Variants in SORBS2 observed in about 807,000 individuals in gnomAD.
The protein encoded by SORBS2 is sorbin and SH3 domain-containing protein 2.
In SORBS2, 46 loss-of-function variants were observed where a neutral mutation model predicts 97.7. That is an observed-to-expected ratio of 0.47 (90% confidence interval 0.37 to 0.60). The LOEUF is 0.60. SORBS2 is among the 20% of genes least tolerant of loss of function. The probability of loss-of-function intolerance (pLI) is 0.00; values close to 1 mark genes in which losing one functional copy is unlikely to be tolerated. For synonymous variants in SORBS2, 476 were observed against 473.4 expected (o/e 1.01, Z -0.07); for missense variants, 1,316 against 1,282.3 (o/e 1.03, Z -0.40).
intron 4 of SORBS2, among the ~76,000 whole-genome samples, chr4:185,645,379 G>A (rs555683078): frequency 6.6e-6 from 1 of 152,232 alleles, no homozygotes; most frequent in East Asian, 1.9e-4. Context: ...GTTTGCAATG[G>A]TGCCTGCAAA....
In SORBS2 at chr4:185,667,707, CGT is replaced by C. The variant is rs1554140019; in HGVS notation, c.-45-5467_-45-5466del. Among the ~76,000 whole-genome samples the C allele has an allele frequency of 1.5e-3, 217 of 146,766 alleles. 2 individuals carry two copies. Among genetic ancestry groups the C allele is most frequent in the Non-Finnish European group, 2.8e-3 (187 of 67,042 alleles). ...AATGTGATATATATATATATATATA[CGT>C]ATATATATAATATATATTTTACTGT... On this transcript the variant is annotated intron_variant, in intron 4 of 20. Transcript: ENST00000284776.
intron 1 of SORBS2, among the ~76,000 whole-genome samples, chr4:185,873,134 C>G (rs2099231325): frequency 6.6e-6 from 1 of 152,182 alleles, no homozygotes; most frequent in Non-Finnish European, 1.5e-5. Context: ...AACAACTCAC[C>G]CAGATGAAGA....
intron 2 of SORBS2, chr4:185,774,505 AG>A (rs1171284973): frequency 2.0e-5 from 3 of 152,210 alleles, no homozygotes; most frequent in Non-Finnish European, 2.9e-5. Context: ...CACAGATCAA[AG>A]TACTTCGCAA....
intron 1 of SORBS2, among the ~76,000 whole-genome samples, chr4:185,953,999 A>G (rs913277140): frequency 4.6e-5 from 7 of 151,846 alleles, no homozygotes; most frequent in African/African-American, 1.2e-4. Context: ...CCTTAAGTTA[A>G]CTCATCTCTT....
chr4:185,943,876 T>A (rs1179838640), intron 1 of SORBS2, among the ~76,000 whole-genome samples: 2 of 152,226 alleles, frequency 1.3e-5, no homozygotes, highest in Non-Finnish European at 1.5e-5. Flanking sequence ...TATTTTCAAA[T>A]GCTTCTTCAA....
At chr4:185,786,240 T>TG (rs1175555162) in intron 1 of SORBS2, among the ~76,000 whole-genome samples, 1 of 152,242 alleles carries the variant, frequency 6.6e-6, no homozygotes, top group African/African-American at 2.4e-5. Flanking sequence ...CTAATCACTT[T>TG]GTCCTATGAT....
chr4:185,619,305 T>C (rs2153417112), intron 8 of SORBS2, among the ~76,000 whole-genome samples: 2 of 152,262 alleles, frequency 1.3e-5, no homozygotes, highest in East Asian at 3.9e-4. Flanking sequence ...CTAGGCCAGC[T>C]CTTCCTTCCT....
chr4:185,806,938 G>A (rs2099159473), intron 1 of SORBS2, among the ~76,000 whole-genome samples: 1 of 152,064 alleles, frequency 6.6e-6, no homozygotes, highest in Admixed American at 6.5e-5. Flanking sequence ...CAAGGAACCT[G>A]AAAAGAAGAA....
intron 1 of SORBS2, among the ~76,000 whole-genome samples, chr4:185,841,801 A>G (rs1335181197): frequency 6.6e-6 from 1 of 152,236 alleles, no homozygotes; most frequent in Admixed American, 6.5e-5. Flanking sequence ...AATTGATTCT[A>G]TAATTTCCCA....
intron 12 of SORBS2, among the ~76,000 whole-genome samples, chr4:185,602,590 G>A (rs1276699697): frequency 6.6e-6 from 1 of 152,182 alleles, no homozygotes; most frequent in African/African-American, 2.4e-5. Flanking sequence ...TGATAAAAAT[G>A]TTATTACAAT....
intron 12 of SORBS2, among the ~76,000 whole-genome samples, chr4:185,608,518 CT>C (rs1188333443): frequency 6.6e-6 from 1 of 151,760 alleles, no homozygotes; most frequent in African/African-American, 2.4e-5. Flanking sequence ...AATATACTTA[CT>C]TCTACATACG....
intron 1 of SORBS2, among the ~76,000 whole-genome samples, chr4:185,877,883 A>AAAAAAAAAAAAAG (rs1344109012): frequency 3.0e-4 from 43 of 145,166 alleles, no homozygotes; most frequent in Non-Finnish European, 5.3e-4. Context: ...ACAAAAAAAA[A>AAAAAAAAAAAAAG]AAAGAAAGAA....
intron 1 of SORBS2, among the ~76,000 whole-genome samples, chr4:185,886,502 C>T (rs2099239587): frequency 7.3e-6 from 1 of 136,858 alleles, no homozygotes. Context: ...TTGCAGTGAG[C>T]CAAGATCATA....
intron 1 of SORBS2, among the ~76,000 whole-genome samples, chr4:185,930,674 C>A (rs2099265994): frequency 6.6e-6 from 1 of 152,168 alleles, no homozygotes; most frequent in African/African-American, 2.4e-5. Flanking sequence ...CTCCTTATCA[C>A]TATCTTATGT....
rs570115323 is a variant in SORBS2, at chr4:185,708,022, T to C, written c.-197-29200A>G. Among the ~76,000 whole-genome samples, 13 of 152,304 alleles carry C rather than the reference T, an allele frequency of 8.5e-5. No individual in the cohort carries two copies. In the East Asian group the frequency reaches 2.5e-3, roughly 29 times the overall value. On this transcript the variant is annotated intron_variant, in intron 2 of 20. Transcript: ENST00000284776. The stretch of plus-strand genomic sequence containing the variant: ...TTTATTGTTATCACCCACCATAGGA[T>C]GGTCAGGCCCATCTTTCTTCCCCTT...
chr4:185,953,262 C>T (rs891992334), intron 1 of SORBS2, among the ~76,000 whole-genome samples: 5 of 152,272 alleles, frequency 3.3e-5, no homozygotes, highest in African/African-American at 9.6e-5. Context: ...TGCAGTGAGC[C>T]GAGATTGCGC....
At chr4:185,638,898 G>A (rs2097076743) in intron 4 of SORBS2, 1 of 1,484,960 alleles carries the variant, frequency 6.7e-7, no homozygotes. Context: ...ACAGAGCCGG[G>A]GCGCGCGAGC....
intron 2 of SORBS2, among the ~76,000 whole-genome samples, chr4:185,689,686 C>T (rs935476679): frequency 6.6e-6 from 1 of 152,176 alleles, no homozygotes; most frequent in South Asian, 2.1e-4. Context: ...TGGTCCTCGC[C>T]AGTGGCTGGG....
At chr4:185,687,851 T>C (rs528281237) in intron 2 of SORBS2, among the ~76,000 whole-genome samples, 19 of 152,380 alleles carry the variant, frequency 1.2e-4, no homozygotes, top group African/African-American at 4.3e-4. Flanking sequence ...GTATTGATAC[T>C]TTCTGATACT....
Sources: gnomAD v4.1 joint callset for allele counts (sites outside exome capture counted in the v4.1 genomes callset) on GRCh38, gnomAD v4.1.1 for gene constraint, MANE v1.5 for transcripts, NCBI Gene and HGNC (gene_info 2026-07-23, HGNC 2026-07-21) for gene names.